The following CADM2 variants were observed in gnomAD, a reference collection of about 807,000 sequenced individuals.
CADM2 encodes the protein cell adhesion molecule 2.
CADM2 carries 12 observed loss-of-function variants against 49.8 expected under a neutral mutation model. The ratio of observed to expected loss-of-function variants is 0.24; its 90% CI spans 0.15 to 0.39. CADM2 has a LOEUF of 0.39. CADM2 is among the 10% of genes least tolerant of loss of function. CADM2 has a pLI of 1.00. For missense variants in CADM2, 378 were observed against 492.3 expected (o/e 0.77, Z 2.20); for synonymous variants, 214 against 175.4 (o/e 1.22, Z -1.74).
At chr3:85,212,812 CTCTTTCTTTCTT>C (rs61255712) in intron 1 of CADM2, among the ~76,000 whole-genome samples, 2,359 of 102,600 alleles carry the variant, frequency 0.023, 68 homozygotes, top group East Asian at 0.029. Context: ...TCTTTTTCTT[CTCTTTCTTTCTT>C]TCTTTCTTTC....
chr3:84,963,516 C>T (rs569432795), intron 1 of CADM2, among the ~76,000 whole-genome samples: 6 of 152,104 alleles, frequency 3.9e-5, no homozygotes, highest in South Asian at 2.1e-4. Flanking sequence ...TGGAATTAGT[C>T]GTATAAAAAA....
At chr3:85,770,067 A>G (rs2069997137) in intron 2 of CADM2, among the ~76,000 whole-genome samples, 1 of 152,122 alleles carries the variant, frequency 6.6e-6, no homozygotes, top group African/African-American at 2.4e-5. Flanking sequence ...GGGAAACAGA[A>G]AACCTGATTC....
At chr3:85,013,348 C>T (rs1008304345) in intron 1 of CADM2, among the ~76,000 whole-genome samples, 82 of 151,942 alleles carry the variant, frequency 5.4e-4, no homozygotes, top group Non-Finnish European at 9.6e-4. Flanking sequence ...TTCACCTAGG[C>T]ATTAAAACTT....
At chr3:85,734,954 A>C (rs2068072943) in intron 2 of CADM2, among the ~76,000 whole-genome samples, 1 of 146,736 alleles carries the variant, frequency 6.8e-6, no homozygotes, top group African/African-American at 2.5e-5. Flanking sequence ...TCTATTTTAA[A>C]ATGTAGCAAC....
At chr3:85,578,785 G>A (rs2062715195) in intron 1 of CADM2, among the ~76,000 whole-genome samples, 1 of 152,124 alleles carries the variant, frequency 6.6e-6, no homozygotes, top group Admixed American at 6.6e-5. Context: ...TTTAACATTA[G>A]TGGTGATTAG....
At chr3:85,236,564 T>C (rs1370490776) in intron 1 of CADM2, among the ~76,000 whole-genome samples, 3 of 152,140 alleles carry the variant, frequency 2.0e-5, no homozygotes, top group African/African-American at 7.2e-5. Context: ...AGAATACTTA[T>C]TAACTTTTGT....
chr3:85,980,102 A>G (rs1391267423), intron 8 of CADM2, among the ~76,000 whole-genome samples: 2 of 151,516 alleles, frequency 1.3e-5, no homozygotes, highest in Admixed American at 1.3e-4. Context: ...TTTCTACATA[A>G]GCAGTGCTCA....
At chr3:85,381,144 A>G (rs2033881589) in intron 1 of CADM2, among the ~76,000 whole-genome samples, 2 of 152,046 alleles carry the variant, frequency 1.3e-5, no homozygotes, top group African/African-American at 4.8e-5. Flanking sequence ...TGTATTGCAT[A>G]TATAGAGAAG....
chr3:85,455,937 C>A (rs564338641), intron 1 of CADM2, among the ~76,000 whole-genome samples: 1 of 152,210 alleles, frequency 6.6e-6, no homozygotes, highest in African/African-American at 2.4e-5. Context: ...CCCAAAATAA[C>A]ACAAAATATA....
chr3:85,407,532 C>A lies in CADM2; in HGVS notation c.62-318990C>A, dbSNP rs2035443540. Among the ~76,000 whole-genome samples, 5 of 152,226 alleles carry A rather than the reference C, an allele frequency of 3.3e-5. No individual in the cohort carries two copies. In the South Asian group the frequency reaches 1.0e-3, roughly 32 times the overall value. ...CAGCTTTCAAAATTAAGCCAAAGCA[C>A]AATTTCCTAAAAACAACTCTGTTCC... On this transcript the variant is annotated intron_variant, in intron 1 of 9. Coordinates refer to ENST00000383699, the MANE Select transcript of CADM2 (RefSeq NM_001167675.2).
chr3:86,042,547 A>C (rs1351040301), intron 8 of CADM2, among the ~76,000 whole-genome samples: 1 of 152,168 alleles, frequency 6.6e-6, no homozygotes, highest in Non-Finnish European at 1.5e-5. Context: ...TGAATCTCTG[A>C]ATAGACCAAT....
intron 1 of CADM2, among the ~76,000 whole-genome samples, chr3:85,636,189 C>T (rs1407432368): frequency 6.6e-6 from 1 of 152,136 alleles, no homozygotes; most frequent in Non-Finnish European, 1.5e-5. Flanking sequence ...TAGGAGATGA[C>T]AGCTCTATGA....
intron 8 of CADM2, among the ~76,000 whole-genome samples, chr3:85,968,753 A>C (rs1447864242): frequency 2.0e-5 from 3 of 151,604 alleles, no homozygotes; most frequent in East Asian, 3.9e-4. Context: ...TCTTCTACCC[A>C]AGTATATGTG....
intron 1 of CADM2, among the ~76,000 whole-genome samples, chr3:85,705,935 G>T (rs78748426): frequency 0.013 from 2,039 of 152,126 alleles, 41 homozygotes; most frequent in African/African-American, 0.047. Flanking sequence ...GCTCATTGTG[G>T]CATCAAACCT....
chr3:85,695,032 G>A lies in CADM2; in HGVS notation c.62-31490G>A, dbSNP rs111479161. 9.9e-3 allele frequency among the ~76,000 whole-genome samples: 1,505 copies of A among 152,212 alleles called. 31 individuals are homozygous for A. The highest frequency in any genetic ancestry group is 0.035 in the African/African-American group (1,447 of 41,544). On this transcript the variant is annotated intron_variant, in intron 1 of 9. Coordinates refer to ENST00000383699, the MANE Select transcript of CADM2 (RefSeq NM_001167675.2). Reference sequence around the variant, plus strand: ...TTCCCTTGACTTTCTCTTTTAGAATGTAACCTCCTCTAATGTCTCGTGTTT... The same window carrying A: ...TTCCCTTGACTTTCTCTTTTAGAATATAACCTCCTCTAATGTCTCGTGTTT...
chr3:85,153,983 TG>T (rs2040017038), intron 1 of CADM2, among the ~76,000 whole-genome samples: 2 of 151,798 alleles, frequency 1.3e-5, no homozygotes, highest in South Asian at 4.2e-4. Context: ...ACCACAAAGA[TG>T]GGGAAAAAAC....
intron 1 of CADM2, among the ~76,000 whole-genome samples, chr3:85,398,256 G>A (rs2107426518): frequency 6.6e-6 from 1 of 152,060 alleles, no homozygotes; most frequent in Middle Eastern, 3.4e-3. Flanking sequence ...AACTTGCAGT[G>A]TTTGGTTTTT....
At chr3:85,941,182 G>C (rs1721848163) in intron 7 of CADM2, among the ~76,000 whole-genome samples, 11 of 152,088 alleles carry the variant, frequency 7.2e-5, no homozygotes. Context: ...TCATAACAAT[G>C]AGGGTGATAA....
chr3:86,065,118 T>A (rs564621393), intron 8 of CADM2, among the ~76,000 whole-genome samples: 1 of 152,296 alleles, frequency 6.6e-6, no homozygotes, highest in South Asian at 2.1e-4. Flanking sequence ...AGACCTCTTA[T>A]TTTCTCCATC....
Sources: allele counts gnomAD v4.1 joint callset (sites outside exome capture counted in the v4.1 genomes callset), GRCh38; gene constraint gnomAD v4.1.1; transcripts MANE v1.5; gene names NCBI Gene and HGNC (gene_info 2026-07-23, HGNC 2026-07-21).